ELF1: variants seen among roughly 807,000 people sequenced by gnomAD.
ELF1 encodes E74 like ETS transcription factor 1.
A neutral mutation model predicts 59.9 loss-of-function variants in ELF1; 24 were observed. The observed-to-expected ratio is 0.40, with a 90% confidence interval of 0.29 to 0.56. The LOEUF (loss-of-function observed/expected upper bound fraction) is 0.56. ELF1 is among the 20% of genes least tolerant of loss of function. ELF1 has a pLI of 0.44. For synonymous variants in ELF1, 248 were observed against 266.2 expected, an observed-to-expected ratio of 0.93 and a Z score of 0.67; for missense variants, 627 against 742.2, an observed-to-expected ratio of 0.84 and a Z score of 1.80.
At position 40,951,065 on chromosome 13, in the gene ELF1, G is replaced by A. The variant is rs562154529; in HGVS notation, c.361+264C>T. ...GATACCCTAATACTCTCATCAATAT[G>A]TTAAGAGAAGAAATTCTGCATGATC... On this transcript the variant is annotated intron_variant, in intron 4 of 8. Transcript: ENST00000239882. 1.7e-4 allele frequency among the ~76,000 whole-genome samples: 26 copies of A among 152,254 alleles called. No homozygotes were observed. In the South Asian group the frequency reaches 3.9e-3, roughly 23 times the overall value.
chr13:40,981,889 TTC>T (rs1873292592), intron 2 of ELF1, 92 bp downstream of exon 2: 4 of 1,382,758 alleles, frequency 2.9e-6, no homozygotes, highest in African/African-American at 3.0e-5. Flanking sequence ...TCAATAAAGT[TTC>T]TCTCATTGTC....
intron 6 of ELF1, among the ~76,000 whole-genome samples, chr13:40,943,428 TTC>T (rs1870310163): frequency 6.6e-6 from 1 of 152,212 alleles, no homozygotes; most frequent in Admixed American, 6.5e-5. Flanking sequence ...GATAATTTTT[TTC>T]TGTCTCTTTG....
At chr13:41,045,230 T>TAA (rs201985057) in intron 1 of ELF1, among the ~76,000 whole-genome samples, 19 of 145,798 alleles carry the variant, frequency 1.3e-4, no homozygotes, top group African/African-American at 3.5e-4. Flanking sequence ...TGTTGATCTT[T>TAA]AAAAAAAAAA....
chr13:40,943,805 G>T, intron 6 of ELF1, 37 bp downstream of exon 6: 1 of 1,564,840 alleles, frequency 6.4e-7, no homozygotes, highest in South Asian at 1.2e-5. Context: ...AAAGCAATCT[G>T]AGTGTTATTT....
In ELF1 at chr13:40,941,171, C is replaced by T; in HGVS notation, c.1006G>A (p.Gly336Arg). 3 of 1,614,062 alleles carry T rather than the reference C, an allele frequency of 1.9e-6. No homozygotes were observed. The highest frequency in any genetic ancestry group is 1.7e-6 in the Non-Finnish European group (2 of 1,179,922). Reference sequence around the variant, plus strand: ...ACTGTAGTGGCTCCTCCTTTTACCCCTGGACTTGAAGATACTCTCGACCGG... The same window carrying T: ...ACTGTAGTGGCTCCTCCTTTTACCCTTGGACTTGAAGATACTCTCGACCGG... ...TSRSRVSSSP[G>R]VKGGATTVLK... Residue 336 changes from glycine (G) to arginine (R), a missense_variant, in exon 8 of 9, where the codon GGG (glycine) becomes AGG (arginine). Coordinates refer to ENST00000239882, the MANE Select transcript of ELF1 (RefSeq NM_172373.4).
intron 2 of ELF1, among the ~76,000 whole-genome samples, chr13:40,975,505 C>T (rs1412449386): frequency 1.3e-5 from 2 of 152,080 alleles, no homozygotes; most frequent in African/African-American, 4.8e-5. Flanking sequence ...TATTTATTTA[C>T]AATTTCAATG....
intron 1 of ELF1, among the ~76,000 whole-genome samples, chr13:41,013,466 AAT>A (rs1216173551): frequency 6.6e-6 from 1 of 152,238 alleles, no homozygotes; most frequent in African/African-American, 2.4e-5. Context: ...GTCACTACAG[AAT>A]ATATGGTGTG....
rs1566162674 is a variant in ELF1, at chr13:40,934,015, G to A, written c.1270C>T (p.Pro424Ser). Residue 424 changes from proline to serine, a missense_variant, in exon 9 of 9, where the codon CCA becomes TCA. Transcript: ENST00000239882. ...SVQSIRTIQA[P>S]TQVPVVVSPR... ...GACACAACCACTGGAACTTGGGTTG[G>A]AGCCTGTATAGTCCTATTGAGATGA... The A allele has an allele frequency of 6.2e-7, 1 of 1,613,904 alleles. No homozygotes were observed. The highest frequency in any genetic ancestry group is 8.5e-7 in the Non-Finnish European group (1 of 1,179,862).
intron 3 of ELF1, 129 bp downstream of exon 3, chr13:40,958,707 G>A (rs965944688): frequency 1.6e-6 from 2 of 1,262,980 alleles, no homozygotes; most frequent in African/African-American, 1.5e-5. Flanking sequence ...TCCATGTAGG[G>A]CTGTAGTTTC....
At chr13:41,060,937 C>CCGCCGA (rs1877569563) in exon 1 of ELF1, 3 of 377,628 alleles carry the variant, frequency 7.9e-6, no homozygotes, top group African/African-American at 6.5e-5. Context: ...GCCGCCGCCG[C>CCGCCGA]CGCCGCCGCT....
Position 41,060,356 on chromosome 13 carries a change from G to A in ELF1, c.-229+482C>T, listed in dbSNP as rs540832683. On this transcript the variant is annotated intron_variant, in intron 1 of 1. Transcript: ENST00000405737. ...AGGAAGAGTCGCAAGAGCGGCTGAA[G>A]AGGGTGTGGGCCGGACGGGGGCGCT... Among the ~76,000 whole-genome samples, 34 of 152,374 alleles carry A rather than the reference G, an allele frequency of 2.2e-4. No individual in the cohort carries two copies. The East Asian group carries it at 4.4e-3, about 20-fold the overall frequency.
chr13:41,044,158 C>G (rs191608411), intron 1 of ELF1, among the ~76,000 whole-genome samples: 154 of 152,318 alleles, frequency 1.0e-3, no homozygotes, highest in African/African-American at 3.6e-3. Flanking sequence ...TATCCTGAGA[C>G]TTTGCTAAAG....
At chr13:41,036,071 AT>A (rs889166602) in intron 1 of ELF1, among the ~76,000 whole-genome samples, 6 of 150,718 alleles carry the variant, frequency 4.0e-5, no homozygotes, top group African/African-American at 7.3e-5. Flanking sequence ...CGCCCGGCTA[AT>A]TTTTTTTTGT....
intron 2 of ELF1, among the ~76,000 whole-genome samples, chr13:40,970,918 C>T (rs1872504230): frequency 6.6e-6 from 1 of 152,148 alleles, no homozygotes; most frequent in African/African-American, 2.4e-5. Context: ...TACAGTGGTA[C>T]CCCTAATGTA....
intron 1 of ELF1, chr13:40,992,695 A>G (rs1186656568): frequency 5.3e-6 from 1 of 187,858 alleles, no homozygotes; most frequent in Non-Finnish European, 1.1e-5. Context: ...ACCTTCTATC[A>G]GTTAGGGCAA....
At chr13:41,027,542 T>C (rs1372603714) in intron 1 of ELF1, among the ~76,000 whole-genome samples, 1 of 152,210 alleles carries the variant, frequency 6.6e-6, no homozygotes, top group Non-Finnish European at 1.5e-5. Flanking sequence ...GCCCCCAGTA[T>C]GGCACCATTC....
chr13:41,027,075 G>A lies in ELF1; in HGVS notation c.-229+33763C>T, dbSNP rs549710423. Among the ~76,000 whole-genome samples the A allele has an allele frequency of 5.3e-5, 8 of 152,308 alleles. No homozygotes were observed. The South Asian group carries it at 1.7e-3, about 32-fold the overall frequency. On this transcript the variant is annotated intron_variant, in intron 1 of 1. Transcript: ENST00000405737. Reference sequence around the variant, plus strand: ...ATCTTCCCAGTAGGCAGAACTTAGGGCAGCACACCCAGTTACGCACTTTGC... The same window carrying A: ...ATCTTCCCAGTAGGCAGAACTTAGGACAGCACACCCAGTTACGCACTTTGC...
At chr13:40,976,466 A>C (rs1223446044) in intron 2 of ELF1, among the ~76,000 whole-genome samples, 7 of 152,222 alleles carry the variant, frequency 4.6e-5, no homozygotes, top group African/African-American at 1.7e-4. Context: ...TGTTACATTG[A>C]ATAGTGTTTC....
chr13:40,998,164 A>C (rs1874223704), intron 1 of ELF1, among the ~76,000 whole-genome samples: 1 of 152,156 alleles, frequency 6.6e-6, no homozygotes, highest in South Asian at 2.1e-4. Flanking sequence ...AAACAAAAGA[A>C]GCAGCAAAAC....
Sources: gnomAD v4.1 joint callset for allele counts (sites outside exome capture counted in the v4.1 genomes callset) on GRCh38, gnomAD v4.1.1 for gene constraint, MANE v1.5 for transcripts, NCBI Gene and HGNC (gene_info 2026-07-23, HGNC 2026-07-21) for gene names.